The following WDR26 variants were observed in gnomAD, a reference collection of about 807,000 sequenced individuals.
WDR26 encodes WD repeat-containing protein 26.
In WDR26, 5 loss-of-function variants were observed where a neutral mutation model predicts 84.1. That is an observed-to-expected ratio of 0.06 (90% CI 0.03 to 0.13). The LOEUF (loss-of-function observed/expected upper bound fraction) is 0.13, where lower values mean the gene tolerates loss of function less well. Among genes scored for constraint, WDR26 ranks in the 10% least tolerant of loss-of-function variants. The pLI is 1.00. For synonymous variants in WDR26, 415 were observed against 389.6 expected (o/e 1.07, Z -0.77); for missense variants, 642 against 974.9 (o/e 0.66, Z 4.55).
chr1:224,415,786 G>A (rs561402678), intron 6 of WDR26, among the ~76,000 whole-genome samples: 1 of 152,268 alleles, frequency 6.6e-6, no homozygotes, highest in South Asian at 2.1e-4. Flanking sequence ...TAAAGGGACA[G>A]GTAAAGAAGA....
At chr1:224,415,199 C>A (rs1465148475) in intron 6 of WDR26, among the ~76,000 whole-genome samples, 1 of 152,100 alleles carries the variant, frequency 6.6e-6, no homozygotes, top group Admixed American at 6.5e-5. Context: ...TTTGGGAAAA[C>A]TGGGTAGATG....
At chr1:224,429,047 A>G (rs1198514080) in intron 3 of WDR26, among the ~76,000 whole-genome samples, 1 of 152,140 alleles carries the variant, frequency 6.6e-6, no homozygotes, top group Non-Finnish European at 1.5e-5. Flanking sequence ...GCGGATCACA[A>G]GGTCAGGAGT....
At chr1:224,403,715 T>C (rs1673480414) in intron 8 of WDR26, among the ~76,000 whole-genome samples, 1 of 152,206 alleles carries the variant, frequency 6.6e-6, no homozygotes, top group South Asian at 2.1e-4. Context: ...GGCAGGCGGA[T>C]CACTTTAGGT....
chr1:224,419,754 A>G, intron 4 of WDR26, 139 bp from the exon 5 acceptor site: 1 of 633,364 alleles, frequency 1.6e-6, no homozygotes, highest in Non-Finnish European at 2.8e-6. Context: ...CAATTCATTA[A>G]TATAATATGG....
At chr1:224,404,325 T>C in intron 8 of WDR26, 105 bp downstream of exon 8, 1 of 1,358,696 alleles carries the variant, frequency 7.4e-7, no homozygotes, top group Non-Finnish European at 9.8e-7. Context: ...AGTATAGTAA[T>C]TTAGGTTGAA....
chr1:224,418,177 C>G, intron 6 of WDR26, 83 bp downstream of exon 6: 1 of 1,186,326 alleles, frequency 8.4e-7, no homozygotes, highest in African/African-American at 1.5e-5. Context: ...TGTTATATAG[C>G]TACAGGATAA....
chr1:224,415,422 GA>G (rs1673865489), intron 6 of WDR26, among the ~76,000 whole-genome samples: 1 of 150,972 alleles, frequency 6.6e-6, no homozygotes, highest in Non-Finnish European at 1.5e-5. Context: ...AAGGATGAGG[GA>G]AGAAACAATT....
chr1:224,393,321 T>C (rs527717067), intron 13 of WDR26, among the ~76,000 whole-genome samples: 2 of 152,214 alleles, frequency 1.3e-5, no homozygotes, highest in Admixed American at 6.5e-5. Context: ...GGCACACAGG[T>C]ACATGATCAA....
chr1:224,392,080 G>A (rs918018403), intron 13 of WDR26, among the ~76,000 whole-genome samples: 1 of 152,172 alleles, frequency 6.6e-6, no homozygotes, highest in Non-Finnish European at 1.5e-5. Context: ...ATCCTCTTCT[G>A]GCTGGTCGCG....
At chr1:224,401,345 T>C (rs938055812) in intron 8 of WDR26, among the ~76,000 whole-genome samples, 1 of 152,148 alleles carries the variant, frequency 6.6e-6, no homozygotes, top group African/African-American at 2.4e-5. Context: ...GCAAATCAAT[T>C]ATATGCATAA....
Position 224,394,031 on chromosome 1 carries a change from C to A in WDR26, c.2075-18G>T. 7.1e-7 allele frequency: 1 copy of A among 1,416,652 alleles called. No homozygotes were observed. The highest frequency in any genetic ancestry group is 1.8e-5 in the South Asian group (1 of 54,780). 87.8% of individuals were successfully genotyped at this position (1,416,652 alleles called of 1,614,324 possible). A position where few individuals can be genotyped will look rare whatever the true frequency, so the allele number is the denominator to read the frequency against. ...CTTGTGATCTGAACATATAGTAATT[C>A]AGAAAAAAGTTTTACATTAATAAAA... On this transcript the variant is annotated intron_variant, in intron 12 of 13. Transcript: ENST00000414423.
chr1:224,413,210 C>A (rs571529295), intron 6 of WDR26: 23 of 683,624 alleles, frequency 3.4e-5, no homozygotes, highest in East Asian at 9.1e-5. Context: ...AACAAAAACC[C>A]CCCCCCCCAA....
intron 5 of WDR26, among the ~76,000 whole-genome samples, chr1:224,419,204 C>T (rs975999345): frequency 2.0e-5 from 3 of 152,268 alleles, no homozygotes; most frequent in Non-Finnish European, 2.9e-5. Flanking sequence ...CTTTAAAGCA[C>T]TTGTGACTTA....
At chr1:224,407,672 C>T (rs1422427905) in intron 7 of WDR26, among the ~76,000 whole-genome samples, 1 of 151,752 alleles carries the variant, frequency 6.6e-6, no homozygotes, top group African/African-American at 2.4e-5. Context: ...CCATGCCAGA[C>T]TAATTTTTTT....
chr1:224,427,832 TTTAA>T (rs1183333401), intron 3 of WDR26, among the ~76,000 whole-genome samples: 7 of 152,158 alleles, frequency 4.6e-5, no homozygotes, highest in Admixed American at 2.0e-4. Context: ...GCAAAGACCC[TTTAA>T]TTAACAAATA....
At chr1:224,389,897 CG>C in intron 13 of WDR26, 37 bp from the exon 14 acceptor site, 1 of 174,218 alleles carries the variant, frequency 5.7e-6, no homozygotes. Context: ...GGGGGGCGGG[CG>C]GGGGAGGGAA....
intron 7 of WDR26, among the ~76,000 whole-genome samples, chr1:224,407,171 T>TATATATATATATATATATATATAA (rs1219084363): frequency 2.1e-5 from 2 of 94,464 alleles, no homozygotes; most frequent in South Asian, 4.0e-4. Context: ...TATATATATA[T>TATATATATATATATATATATATAA]AACTCAAAAA....
chr1:224,406,935 A>AAT, intron 7 of WDR26, among the ~76,000 whole-genome samples: 1 of 151,260 alleles, frequency 6.6e-6, no homozygotes, highest in African/African-American at 2.4e-5. Context: ...CAGCCTGGCC[A>AAT]ATGTGGTGAA....
chr1:224,407,819 C>A lies in WDR26; in HGVS notation c.1459-3249G>T, dbSNP rs181785873. 2.7e-4 allele frequency among the ~76,000 whole-genome samples: 41 copies of A among 152,040 alleles called. 1 individual carries two copies. In the East Asian group the frequency reaches 5.8e-3, roughly 22 times the overall value. On this transcript the variant is annotated intron_variant, in intron 7 of 13. Transcript: ENST00000414423. ...CCACCGCACCCGGCCAAAAAGAACA[C>A]ATATTTTCTTATAATTTTTTCAGAC...
Sources: gnomAD v4.1 joint callset for allele counts (sites outside exome capture counted in the v4.1 genomes callset) on GRCh38, gnomAD v4.1.1 for gene constraint, MANE v1.5 for transcripts, NCBI Gene and HGNC (gene_info 2026-07-23, HGNC 2026-07-21) for gene names.